Variants in GPC3 observed in about 807,000 individuals in gnomAD.
The protein encoded by GPC3 is glypican 3, also known as glypican-3.
Under a neutral mutation model 34.4 loss-of-function variants are expected in GPC3, and 3 were observed. The observed-to-expected ratio is 0.09, with a 90% CI of 0.04 to 0.23. The LOEUF (loss-of-function observed/expected upper bound fraction) is 0.23, where lower values mean the gene tolerates loss of function less well. Ranked by LOEUF, GPC3 falls within the 10% of genes least tolerant of loss-of-function variation. The probability of loss-of-function intolerance (pLI) is 1.00; values close to 1 mark genes in which losing one functional copy is unlikely to be tolerated. For missense variants in GPC3, 351 were observed against 445.6 expected (o/e 0.79, Z 1.91); for synonymous variants, 177 against 174.0 (o/e 1.02, Z -0.13).
chrX:133,825,260 T>C (rs1253314903), intron 2 of GPC3, among the ~76,000 whole-genome samples: 2 of 112,127 alleles, frequency 1.8e-5, no homozygotes, highest in Non-Finnish European at 3.8e-5. Flanking sequence ...TAGTGAATTT[T>C]GTGAAATTTT....
intron 2 of GPC3, among the ~76,000 whole-genome samples, chrX:133,899,411 C>T (rs1177548373): frequency 8.9e-6 from 1 of 111,767 alleles, no homozygotes; most frequent in African/African-American, 3.3e-5. Flanking sequence ...ACTCCCTCCA[C>T]TCACACATCT....
chrX:133,938,551 T>A (rs1034094466), intron 2 of GPC3, among the ~76,000 whole-genome samples: 1 of 111,989 alleles, frequency 8.9e-6, no homozygotes. Flanking sequence ...TGCAATCTTA[T>A]ATACACTATT....
chrX:133,875,916 A>G (rs1195364787), intron 2 of GPC3, among the ~76,000 whole-genome samples: 3 of 111,914 alleles, frequency 2.7e-5, no homozygotes, highest in Non-Finnish European at 5.6e-5. Flanking sequence ...CAGTTAAGCA[A>G]TAAGAACTTA....
intron 2 of GPC3, among the ~76,000 whole-genome samples, chrX:133,866,839 A>C (rs1282701224): frequency 9.0e-6 from 1 of 111,192 alleles, no homozygotes; most frequent in Non-Finnish European, 1.9e-5. Context: ...TATGGGACCA[A>C]CCGTACAGAG....
rs188335534 is a variant in GPC3, at chrX:133,780,623, C to T, written c.338-26447G>A. On this transcript the variant is annotated intron_variant, in intron 2 of 7. Transcript: ENST00000370818. The stretch of plus-strand genomic sequence containing the variant: ...GTAATTCATGGGAACATATAATTAC[C>T]TATCAACCTGCTTTCACAGAGCCGG... Among the ~76,000 whole-genome samples the T allele has an allele frequency of 3.6e-5, 4 of 111,510 alleles. 1 individual carries two copies. In the Admixed American group the frequency reaches 3.8e-4, roughly 11 times the overall value.
intron 3 of GPC3, among the ~76,000 whole-genome samples, chrX:133,721,917 C>CA (rs200143633): frequency 7.2e-5 from 8 of 111,254 alleles, no homozygotes; most frequent in Admixed American, 6.7e-4. Flanking sequence ...ATAACCAAAG[C>CA]AAAAAATAGA....
chrX:133,861,155 A>G (rs2075934625), intron 2 of GPC3, among the ~76,000 whole-genome samples: 1 of 111,625 alleles, frequency 9.0e-6, no homozygotes, highest in African/African-American at 3.3e-5. Flanking sequence ...CATTATCAGC[A>G]TACGTATAAA....
At chrX:133,558,439 T>C (rs1185964404) in intron 7 of GPC3, among the ~76,000 whole-genome samples, 3 of 110,943 alleles carry the variant, frequency 2.7e-5, no homozygotes, top group Admixed American at 1.9e-4. Flanking sequence ...TACTTTTTCT[T>C]TTCCTTTCTC....
chrX:133,564,794 C>T (rs140734503), intron 7 of GPC3, among the ~76,000 whole-genome samples: 1,197 of 111,947 alleles, frequency 0.011, 17 homozygotes, highest in African/African-American at 0.036. Context: ...TGACCTCCAT[C>T]GGCCCTCATG....
At position 133,626,815 on chromosome X, in the gene GPC3, G is replaced by T. The variant is rs189717346; in HGVS notation, c.1414-30216C>A. On this transcript the variant is annotated intron_variant, in intron 6 of 7. Coordinates refer to ENST00000370818, the MANE Select transcript of GPC3 (RefSeq NM_004484.4). The stretch of plus-strand genomic sequence containing the variant: ...TTTGACCCAGCCATCCCATTACTGG[G>T]TATATACCCAAAGGATTATAAATCA... Among the ~76,000 whole-genome samples, 4 of 107,088 alleles carry T rather than the reference G, an allele frequency of 3.7e-5. No individual in the cohort carries two copies. The Admixed American group carries it at 4.2e-4, about 11-fold the overall frequency. 93.0% of individuals were successfully genotyped at this position (107,088 alleles called of 115,157 possible). A position where few individuals can be genotyped will look rare whatever the true frequency, so the allele number is the denominator to read the frequency against.
intron 6 of GPC3, among the ~76,000 whole-genome samples, chrX:133,610,286 A>T (rs1181011157): frequency 9.0e-6 from 1 of 111,162 alleles, no homozygotes; most frequent in African/African-American, 3.3e-5. Flanking sequence ...TGGGTTTCTT[A>T]CTTGGAATCC....
At chrX:133,540,721 A>C (rs770356925) in intron 7 of GPC3, among the ~76,000 whole-genome samples, 1 of 110,691 alleles carries the variant, frequency 9.0e-6, no homozygotes, top group South Asian at 3.9e-4. Flanking sequence ...AAAATAATAA[A>C]ATTAAGAATA....
intron 7 of GPC3, among the ~76,000 whole-genome samples, chrX:133,538,874 G>A (rs1171530825): frequency 1.1e-5 from 1 of 89,629 alleles, no homozygotes; most frequent in East Asian, 4.0e-4. Flanking sequence ...ACCCTGCCTG[G>A]CTATTATTTG....
At chrX:133,756,298 C>T (rs980901998) in intron 2 of GPC3, among the ~76,000 whole-genome samples, 1 of 112,246 alleles carries the variant, frequency 8.9e-6, no homozygotes, top group Non-Finnish European at 1.9e-5. Context: ...TACATATAGT[C>T]TCAAAAACCT....
chrX:133,870,812 A>T (rs1265358849), intron 2 of GPC3, among the ~76,000 whole-genome samples: 1 of 111,580 alleles, frequency 9.0e-6, no homozygotes, highest in Non-Finnish European at 1.9e-5. Flanking sequence ...TGGTACTCAA[A>T]TGTCACCAAT....
intron 2 of GPC3, among the ~76,000 whole-genome samples, chrX:133,833,440 G>A (rs2075785558): frequency 9.0e-6 from 1 of 111,586 alleles, no homozygotes; most frequent in South Asian, 3.8e-4. Context: ...GATTAAAATC[G>A]AGAGAAGAGT....
intron 2 of GPC3, among the ~76,000 whole-genome samples, chrX:133,872,461 T>G (rs1321436202): frequency 2.7e-5 from 3 of 111,737 alleles, no homozygotes; most frequent in Non-Finnish European, 5.6e-5. Context: ...AAACTGTTCA[T>G]GCAACAAACA....
chrX:133,623,185 G>T (rs2070252968), intron 6 of GPC3, among the ~76,000 whole-genome samples: 1 of 111,717 alleles, frequency 9.0e-6, no homozygotes, highest in African/African-American at 3.3e-5. Flanking sequence ...AGGAACAACT[G>T]GTACCAGACA....
chrX:133,836,598 A>G (rs1352751800), intron 2 of GPC3, among the ~76,000 whole-genome samples: 2 of 112,059 alleles, frequency 1.8e-5, no homozygotes, highest in Non-Finnish European at 3.8e-5. Flanking sequence ...AGTAAACCAA[A>G]TTAGCATGTT....
Sources: allele counts gnomAD v4.1 joint callset (sites outside exome capture counted in the v4.1 genomes callset), GRCh38; gene constraint gnomAD v4.1.1; transcripts MANE v1.5; gene names NCBI Gene and HGNC (gene_info 2026-07-23, HGNC 2026-07-21).